MTUS2: variants seen among roughly 807,000 people sequenced by gnomAD.
The protein encoded by MTUS2 is microtubule associated scaffold protein 2.
MTUS2 carries 40 observed loss-of-function variants against 114.1 expected under a neutral mutation model. The ratio of observed to expected loss-of-function variants is 0.35; its 90% CI spans 0.27 to 0.46. The LOEUF (loss-of-function observed/expected upper bound fraction) is 0.46, where lower values mean the gene tolerates loss of function less well. Among genes scored for constraint, MTUS2 ranks in the 20% least tolerant of loss-of-function variants. The pLI, the probability that MTUS2 is intolerant of heterozygous loss-of-function variation, is 1.00. For synonymous variants in MTUS2, 688 were observed against 672.0 expected (o/e 1.02, Z -0.37); for missense variants, 1,679 against 1,705.4 (o/e 0.98, Z 0.27).
rs79165426 is a variant in MTUS2 at position 28,866,105 on chromosome 13, G to C, written c.-243+26255G>C. Among the ~76,000 whole-genome samples the C allele has an allele frequency of 3.5e-3, 540 of 152,242 alleles. 5 individuals carry two copies. Among genetic ancestry groups the C allele is most frequent in the African/African-American group, 0.013 (530 of 41,546 alleles). ...AAATTTTCATGAGGACAGGATTTTC[G>C]TGCCTCCCTGGGTAGGTGGTTCTGA... On this transcript the variant is annotated intron_variant, in intron 2 of 15. Transcript: ENST00000612955.
chr13:29,495,637 G>A lies in MTUS2; in HGVS notation c.3580-1601G>A, dbSNP rs1269713872. 4.6e-5 allele frequency among the ~76,000 whole-genome samples: 7 copies of A among 152,234 alleles called. No homozygotes were observed. The South Asian group carries it at 8.3e-4, about 18-fold the overall frequency. On this transcript the variant is annotated intron_variant, in intron 12 of 15. Transcript: ENST00000612955. ...TGTAATCCCGACACTCTGGGAGGCC[G>A]AGGTGGGTGGATCACTTGAGGTCAG...
chr13:29,217,196 C>A (rs115793655), intron 5 of MTUS2, among the ~76,000 whole-genome samples: 3,820 of 152,020 alleles, frequency 0.025, 96 homozygotes, highest in East Asian at 0.067. Context: ...TGTACCTATA[C>A]TTAAAATATA....
intron 2 of MTUS2, among the ~76,000 whole-genome samples, chr13:28,887,326 G>A (rs1169639628): frequency 2.0e-5 from 3 of 151,990 alleles, no homozygotes; most frequent in African/African-American, 4.8e-5. Context: ...CGCCCCTTTC[G>A]GCTCCCTGGA....
intron 4 of MTUS2, chr13:29,071,899 A>T (rs960562828): frequency 1.3e-5 from 2 of 152,122 alleles, no homozygotes; most frequent in African/African-American, 2.4e-5. Flanking sequence ...AGGAAAATGT[A>T]TGCGTACTGG....
At position 29,281,181 on chromosome 13, in the gene MTUS2, C is replaced by G. The variant is rs77677899; in HGVS notation, c.2645-523C>G. ...TGCTCTCTACCCCTCTACCTTCATC[C>G]CAAGCCTCCTCTTCTGGAGGTGAAA... On this transcript the variant is annotated intron_variant, in intron 5 of 15. Transcript: ENST00000612955. 4.7e-4 allele frequency among the ~76,000 whole-genome samples: 72 copies of G among 152,208 alleles called. No homozygotes were observed. The East Asian group carries it at 0.012, about 26-fold the overall frequency.
intron 7 of MTUS2, among the ~76,000 whole-genome samples, chr13:29,336,497 T>A (rs1901070088): frequency 6.6e-6 from 1 of 152,202 alleles, no homozygotes; most frequent in African/African-American, 2.4e-5. Flanking sequence ...AATTGCTGCC[T>A]GTTCCTTCCT....
chr13:28,974,814 G>A (rs183782463), intron 2 of MTUS2, among the ~76,000 whole-genome samples: 1 of 152,102 alleles, frequency 6.6e-6, no homozygotes, highest in Non-Finnish European at 1.5e-5. Context: ...CAGTTTTACT[G>A]TTCACCAAAA....
At chr13:29,194,116 C>T (rs1211967650) in intron 5 of MTUS2, among the ~76,000 whole-genome samples, 25 of 150,074 alleles carry the variant, frequency 1.7e-4, no homozygotes, top group African/African-American at 2.2e-4. Flanking sequence ...AAGACTTAAA[C>T]GTTAGACCTA....
Position 29,390,149 on chromosome 13 carries a change from T to TAC in MTUS2, c.3117+30687_3117+30688dup, listed in dbSNP as rs571275988. On this transcript the variant is annotated intron_variant, in intron 8 of 15. Coordinates refer to ENST00000612955, the MANE Select transcript of MTUS2 (RefSeq NM_001033602.4). The stretch of plus-strand genomic sequence containing the variant: ...AACATATATACTGACTATATATATA[T>TAC]ACACACACACACTTGTGTGTGTGTG... Among the ~76,000 whole-genome samples the TAC allele has an allele frequency of 1.0e-3, 104 of 103,884 alleles. 1 individual carries two copies. In the Admixed American group the frequency reaches 0.011, roughly 11 times the overall value. The allele number at this position is 103,884 out of a possible 152,430, so 68.2% of individuals were successfully genotyped here.
chr13:29,133,717 C>T (rs1891860299), intron 5 of MTUS2, among the ~76,000 whole-genome samples: 1 of 152,140 alleles, frequency 6.6e-6, no homozygotes, highest in Non-Finnish European at 1.5e-5. Flanking sequence ...GTATGTCTAT[C>T]TTTTTGCAGT....
chr13:29,246,758 A>G (rs1210171443), intron 5 of MTUS2, among the ~76,000 whole-genome samples: 1 of 152,180 alleles, frequency 6.6e-6, no homozygotes, highest in Non-Finnish European at 1.5e-5. Context: ...AATAACGGAC[A>G]ACACAAACAA....
chr13:28,873,272 G>C (rs1189144030), intron 2 of MTUS2, among the ~76,000 whole-genome samples: 3 of 152,162 alleles, frequency 2.0e-5, no homozygotes, highest in Non-Finnish European at 4.4e-5. Context: ...AAGAGTGTTT[G>C]AGGCACATTC....
At chr13:29,278,230 T>C (rs1302870422) in intron 5 of MTUS2, among the ~76,000 whole-genome samples, 3 of 152,214 alleles carry the variant, frequency 2.0e-5, no homozygotes, top group Non-Finnish European at 2.9e-5. Context: ...AGAACATCTT[T>C]ATGATTTCAG....
intron 2 of MTUS2, among the ~76,000 whole-genome samples, chr13:28,964,086 A>T (rs779330227): frequency 1.4e-4 from 21 of 152,144 alleles, no homozygotes; most frequent in South Asian, 8.3e-4. Flanking sequence ...TGAGCTCCAA[A>T]CTTATTAGGC....
In MTUS2 at chr13:29,234,094, A is replaced by G. The variant is rs183660404; in HGVS notation, c.2645-47610A>G. The stretch of plus-strand genomic sequence containing the variant: ...TACATAAATTGGCTTTTCTGGAGGG[A>G]AAATAGCTTCCAGTCCCTCTTCCAT... On this transcript the variant is annotated intron_variant, in intron 5 of 15. Coordinates refer to ENST00000612955, the MANE Select transcript of MTUS2 (RefSeq NM_001033602.4). Among the ~76,000 whole-genome samples the G allele has an allele frequency of 2.8e-3, 433 of 152,256 alleles. 11 individuals are homozygous for G. The highest frequency in any genetic ancestry group is 4.0e-4 in the Non-Finnish European group (27 of 68,014).
At chr13:29,128,405 A>G (rs1891610248) in intron 5 of MTUS2, among the ~76,000 whole-genome samples, 1 of 152,238 alleles carries the variant, frequency 6.6e-6, no homozygotes, top group Non-Finnish European at 1.5e-5. Flanking sequence ...GATGATGCAG[A>G]GGGACTCAGA....
At chr13:29,017,169 A>G (rs9551591) in intron 2 of MTUS2, among the ~76,000 whole-genome samples, 5,344 of 152,304 alleles carry the variant, frequency 0.035, 141 homozygotes, top group East Asian at 0.11. Context: ...CCAAACACGT[A>G]CCCAGTAGAG....
chr13:29,033,972 C>T lies in MTUS2; in HGVS notation c.2293C>T (p.Leu765Phe), dbSNP rs749110027. ...TCCAACTTTCTATCGGTCAGCCATG[C>T]TCCTTAAGCCCCAGCTAGGATTGGG... ...VPPTFYRSAM[L>F]LKPQLGLGAM... is the part of the protein sequence containing the mutation. The change falls in exon 4 of 16, where the codon CTC becomes TTC. Residue 765 changes from leucine (L) to phenylalanine (F), a missense_variant. By Grantham distance (22) the Leu-to-Phe change is conservative (BLOSUM62 0). Coordinates refer to ENST00000612955, the MANE Select transcript of MTUS2 (RefSeq NM_001033602.4). 14 of 1,614,024 alleles carry T rather than the reference C, an allele frequency of 8.7e-6. No homozygotes were observed. Among genetic ancestry groups the T allele is most frequent in the Middle Eastern group, 1.6e-4 (1 of 6,062 alleles).
At chr13:28,831,547 CAAA>C (rs36099690) in intron 1 of MTUS2, among the ~76,000 whole-genome samples, 72,757 of 151,574 alleles carry the variant, frequency 0.48, 18,028 homozygotes, top group Non-Finnish European at 0.53. Flanking sequence ...TTGCAGAAGA[CAAA>C]GAAGGTCATT....
Sources: allele counts gnomAD v4.1 joint callset (sites outside exome capture counted in the v4.1 genomes callset), GRCh38; gene constraint gnomAD v4.1.1; transcripts MANE v1.5; gene names NCBI Gene and HGNC (gene_info 2026-07-23, HGNC 2026-07-21).